PCDHA11: variants seen among roughly 807,000 people sequenced by gnomAD.
PCDHA11 encodes the protein protocadherin alpha 11, also known as protocadherin alpha-11.
Under a neutral mutation model 70.3 loss-of-function variants are expected in PCDHA11, and 61 were observed. The ratio of observed to expected loss-of-function variants is 0.87; its 90% CI spans 0.71 to 1.07. The LOEUF is 1.07. PCDHA11 is among the 50% of genes least tolerant of loss of function. PCDHA11 has a pLI of 0.00. For missense variants in PCDHA11, 1,324 were observed against 1,237.5 expected, an observed-to-expected ratio of 1.07 and a Z score of -1.05; for synonymous variants, 633 against 555.1, an observed-to-expected ratio of 1.14 and a Z score of -1.97.
intron 1 of PCDHA11, among the ~76,000 whole-genome samples, chr5:140,922,947 C>A (rs533564361): frequency 6.6e-6 from 1 of 152,178 alleles, no homozygotes; most frequent in South Asian, 2.1e-4. Context: ...AATGGAAATC[C>A]AGTTTGTCTT....
intron 1 of PCDHA11, among the ~76,000 whole-genome samples, chr5:140,907,205 G>T (rs549918744): frequency 2.0e-5 from 3 of 152,196 alleles, no homozygotes; most frequent in East Asian, 3.9e-4. Context: ...GGAGAATTTT[G>T]CCCCAGCCCT....
At position 140,967,833 on chromosome 5, in the gene PCDHA11, T is replaced by G. The variant is rs1554229998; in HGVS notation, c.2392-11116T>G. The G allele has an allele frequency of 1.2e-6, 2 of 1,614,014 alleles. No homozygotes were observed. The highest frequency in any genetic ancestry group is 4.5e-5 in the East Asian group (2 of 44,876). On this transcript the variant is annotated intron_variant, in intron 1 of 3. Transcript: ENST00000398640. The stretch of plus-strand genomic sequence containing the variant: ...CACTGCAAGGTGCTGGTGGACATCG[T>G]GGACGTGAATGACAATGCCCCAGAG...
intron 1 of PCDHA11, chr5:140,967,285 G>A (rs150694611): frequency 1.9e-6 from 3 of 1,613,058 alleles, no homozygotes; most frequent in East Asian, 2.2e-5. Context: ...AGAGTGCGCA[G>A]GACCCCGACG....
At chr5:140,897,782 T>G (rs1378743158) in intron 1 of PCDHA11, among the ~76,000 whole-genome samples, 6 of 152,182 alleles carry the variant, frequency 3.9e-5, no homozygotes, top group Admixed American at 3.9e-4. Flanking sequence ...CCACAATGGT[T>G]GAACTAGTTT....
In PCDHA11 at chr5:140,926,182, C is replaced by G. The variant is rs1041630365; in HGVS notation, c.2392-52767C>G. Among the ~76,000 whole-genome samples, 27 of 151,858 alleles carry G rather than the reference C, an allele frequency of 1.8e-4. No individual in the cohort carries two copies. The East Asian group carries it at 2.5e-3, about 14-fold the overall frequency. On this transcript the variant is annotated intron_variant, in intron 1 of 3. Coordinates refer to ENST00000398640, the MANE Select transcript of PCDHA11 (RefSeq NM_018902.5). ...CAGCAGGATCCAGCGCGGAAAGCCC[C>G]CCGCAGCACTTCTTTCGGGGGGCTC...
chr5:140,979,592 T>C (rs1554240865), intron 2 of PCDHA11, among the ~76,000 whole-genome samples: 1 of 152,248 alleles, frequency 6.6e-6, no homozygotes, highest in African/African-American at 2.4e-5. Flanking sequence ...CTAGCTTACT[T>C]TAAATTAACC....
intron 1 of PCDHA11, among the ~76,000 whole-genome samples, chr5:140,897,453 C>T (rs1437046068): frequency 6.6e-6 from 1 of 151,162 alleles, no homozygotes; most frequent in African/African-American, 2.4e-5. Context: ...GTTTTTTGTC[C>T]TTGCGATAGT....
At chr5:140,887,692 A>G (rs886236141) in intron 1 of PCDHA11, among the ~76,000 whole-genome samples, 1 of 152,126 alleles carries the variant, frequency 6.6e-6, no homozygotes, top group Non-Finnish European at 1.5e-5. Flanking sequence ...ATTCAGGAAA[A>G]AATCAACCAT....
At chr5:140,920,889 T>G (rs1488579126) in intron 1 of PCDHA11, among the ~76,000 whole-genome samples, 2 of 150,044 alleles carry the variant, frequency 1.3e-5, no homozygotes, top group African/African-American at 4.9e-5. Context: ...GAACTTAAAG[T>G]CATATTTTGG....
chr5:140,877,411 C>T (rs781874450), intron 1 of PCDHA11: 75 of 1,613,818 alleles, frequency 4.6e-5, no homozygotes, highest in Non-Finnish European at 6.0e-5. Context: ...GCGCCACCGC[C>T]TGCTGGTGCT....
At chr5:140,966,974 C>T (rs782333304) in intron 1 of PCDHA11, 4 of 1,602,874 alleles carry the variant, frequency 2.5e-6, no homozygotes, top group Non-Finnish European at 3.4e-6. Flanking sequence ...GCTTGAGCTG[C>T]GGCGCTTGGG....
chr5:140,891,344 T>C (rs952306829), intron 1 of PCDHA11, among the ~76,000 whole-genome samples: 2 of 152,166 alleles, frequency 1.3e-5, no homozygotes, highest in East Asian at 1.9e-4. Flanking sequence ...GAGATTTTGG[T>C]GCATCCATCA....
chr5:140,929,232 G>A lies in PCDHA11; in HGVS notation c.2392-49717G>A, dbSNP rs782109734. On this transcript the variant is annotated intron_variant, in intron 1 of 3. Coordinates refer to ENST00000398640, the MANE Select transcript of PCDHA11 (RefSeq NM_018902.5). ...GTGGGGAGTACAATGCTGCCGACCTGCGAAATCTTGCCACTGGGGTAGGAC... is the reference window on the plus strand; with the variant it reads ...GTGGGGAGTACAATGCTGCCGACCTACGAAATCTTGCCACTGGGGTAGGAC... 2.5e-6 allele frequency: 4 copies of A among 1,613,756 alleles called. No individual in the cohort carries two copies. In the Admixed American group the frequency reaches 5.0e-5, roughly 20 times the overall value.
At chr5:140,940,017 T>C (rs1418030283) in intron 1 of PCDHA11, among the ~76,000 whole-genome samples, 1 of 152,234 alleles carries the variant, frequency 6.6e-6, no homozygotes, top group Non-Finnish European at 1.5e-5. Flanking sequence ...TTTTGTGTCA[T>C]ATGTTTTAAG....
chr5:140,881,145 A>G (rs1335769260), intron 1 of PCDHA11, among the ~76,000 whole-genome samples: 1 of 152,246 alleles, frequency 6.6e-6, no homozygotes, highest in Non-Finnish European at 1.5e-5. Context: ...TTATAACAAT[A>G]GATAAAAGTA....
At chr5:140,918,562 A>G (rs536690328) in intron 1 of PCDHA11, among the ~76,000 whole-genome samples, 17 of 152,330 alleles carry the variant, frequency 1.1e-4, no homozygotes, top group African/African-American at 3.4e-4. Context: ...AGAAGAATGT[A>G]TATTATGCTG....
chr5:140,882,917 G>A, intron 1 of PCDHA11: 1 of 1,614,218 alleles, frequency 6.2e-7, no homozygotes, highest in Non-Finnish European at 8.5e-7. Context: ...AGCCAGTGAT[G>A]GAGGTAAACC....
chr5:140,968,588 A>G (rs1554230894), intron 1 of PCDHA11: 1 of 1,614,180 alleles, frequency 6.2e-7, no homozygotes, highest in South Asian at 1.1e-5. Flanking sequence ...CACCAAAGTC[A>G]TAGCTATGGA....
At chr5:140,949,691 T>C (rs2094413493) in intron 1 of PCDHA11, among the ~76,000 whole-genome samples, 1 of 151,872 alleles carries the variant, frequency 6.6e-6, no homozygotes, top group Non-Finnish European at 1.5e-5. Context: ...AAGCGTATTG[T>C]TGGATCTTGC....
Sources: allele counts gnomAD v4.1 joint callset (sites outside exome capture counted in the v4.1 genomes callset), GRCh38; gene constraint gnomAD v4.1.1; transcripts MANE v1.5; gene names NCBI Gene and HGNC (gene_info 2026-07-23, HGNC 2026-07-21).